The following ARHGAP15 variants were observed in gnomAD, a reference collection of about 807,000 sequenced individuals.
ARHGAP15 encodes Rho GTPase activating protein 15.
ARHGAP15 carries 51 observed loss-of-function variants against 63.7 expected under a neutral mutation model. That is an observed-to-expected ratio of 0.80 (90% CI 0.64 to 1.01). ARHGAP15 has a LOEUF of 1.01. Among genes scored for constraint, ARHGAP15 ranks in the 50% least tolerant of loss-of-function variants. ARHGAP15 has a pLI of 0.00. For synonymous variants in ARHGAP15, 191 were observed against 193.8 expected (o/e 0.99, Z 0.12); for missense variants, 560 against 564.6 (o/e 0.99, Z 0.08).
chr2:143,292,314 C>A (rs1682440897), intron 6 of ARHGAP15, among the ~76,000 whole-genome samples: 1 of 152,000 alleles, frequency 6.6e-6, no homozygotes, highest in African/African-American at 2.4e-5. Flanking sequence ...TAATTATTTA[C>A]AAATGTATTT....
At chr2:143,543,116 C>G (rs1695176923) in intron 10 of ARHGAP15, among the ~76,000 whole-genome samples, 1 of 151,768 alleles carries the variant, frequency 6.6e-6, no homozygotes, top group African/African-American at 2.4e-5. Context: ...TGAGGAATCT[C>G]TATATTTTTT....
intron 10 of ARHGAP15, among the ~76,000 whole-genome samples, chr2:143,540,577 G>T (rs1694999948): frequency 1.3e-5 from 2 of 152,246 alleles, no homozygotes; most frequent in South Asian, 4.1e-4. Context: ...GCCTGGTGGT[G>T]ACAAAATCTC....
intron 6 of ARHGAP15, among the ~76,000 whole-genome samples, chr2:143,291,385 T>C (rs887954167): frequency 6.6e-6 from 1 of 151,804 alleles, no homozygotes; most frequent in Non-Finnish European, 1.5e-5. Flanking sequence ...ACACAGTTTC[T>C]CTCCCTCCCT....
At chr2:143,235,936 G>T in intron 5 of ARHGAP15, 1 of 1,544,680 alleles carries the variant, frequency 6.5e-7, no homozygotes, top group Non-Finnish European at 8.7e-7. Flanking sequence ...GCTGTACTTT[G>T]TGATTTTAGA....
At chr2:143,715,791 T>G (rs1002584200) in intron 13 of ARHGAP15, among the ~76,000 whole-genome samples, 2 of 152,246 alleles carry the variant, frequency 1.3e-5, no homozygotes, top group African/African-American at 4.8e-5. Context: ...CATGAAATCT[T>G]TACCCGTGCC....
chr2:143,346,184 A>T (rs1231372434), intron 6 of ARHGAP15, among the ~76,000 whole-genome samples: 6 of 145,894 alleles, frequency 4.1e-5, no homozygotes, highest in East Asian at 2.0e-4. Context: ...TCTCTCTCTC[A>T]CACACACACT....
At chr2:143,580,168 G>A (rs948760882) in intron 11 of ARHGAP15, among the ~76,000 whole-genome samples, 1 of 151,640 alleles carries the variant, frequency 6.6e-6, no homozygotes, top group African/African-American at 2.4e-5. Context: ...TTATGTAATG[G>A]TGACTTAATT....
chr2:143,594,695 T>C (rs1697445130), intron 11 of ARHGAP15, among the ~76,000 whole-genome samples: 1 of 152,174 alleles, frequency 6.6e-6, no homozygotes, highest in Admixed American at 6.6e-5. Flanking sequence ...TCAAAGACCA[T>C]GTCACAGCAG....
chr2:143,209,889 A>G (rs1692500736), intron 3 of ARHGAP15, among the ~76,000 whole-genome samples: 1 of 152,186 alleles, frequency 6.6e-6, no homozygotes, highest in Non-Finnish European at 1.5e-5. Context: ...ATTGAAACAC[A>G]GAAACAAATG....
chr2:143,578,107 G>A (rs963973554), intron 11 of ARHGAP15, among the ~76,000 whole-genome samples: 1 of 152,140 alleles, frequency 6.6e-6, no homozygotes, highest in African/African-American at 2.4e-5. Flanking sequence ...AAACCTCACA[G>A]CAATTGATTG....
chr2:143,712,304 T>C (rs1684616198), intron 13 of ARHGAP15, among the ~76,000 whole-genome samples: 1 of 152,196 alleles, frequency 6.6e-6, no homozygotes, highest in African/African-American at 2.4e-5. Flanking sequence ...ACATTTCACA[T>C]AGGAAAAGGA....
At chr2:143,725,040 C>T (rs1002892461) in intron 13 of ARHGAP15, among the ~76,000 whole-genome samples, 5 of 152,150 alleles carry the variant, frequency 3.3e-5, no homozygotes, top group African/African-American at 1.2e-4. Context: ...TTCTGAATTA[C>T]CAAAGGATAA....
intron 13 of ARHGAP15, among the ~76,000 whole-genome samples, chr2:143,728,406 G>T (rs1021165506): frequency 6.6e-6 from 1 of 152,212 alleles, no homozygotes; most frequent in South Asian, 2.1e-4. Context: ...GGTAGCTGGT[G>T]CCTTATCATA....
At chr2:143,556,293 A>G in intron 10 of ARHGAP15, 115 bp from the exon 11 acceptor site, 2 of 720,558 alleles carry the variant, frequency 2.8e-6, no homozygotes, top group Non-Finnish European at 4.5e-6. Flanking sequence ...GAACACACAA[A>G]TTGGTTTTAT....
intron 1 of ARHGAP15, among the ~76,000 whole-genome samples, chr2:143,150,968 T>C (rs1689789942): frequency 6.6e-6 from 1 of 152,012 alleles, no homozygotes. Context: ...GATTTTACAA[T>C]CTACCAAATC....
At chr2:143,272,895 T>C (rs1380393282) in intron 6 of ARHGAP15, among the ~76,000 whole-genome samples, 1 of 152,210 alleles carries the variant, frequency 6.6e-6, no homozygotes, top group Non-Finnish European at 1.5e-5. Context: ...GGATGTGTTT[T>C]AAATTTAAAT....
chr2:143,503,040 A>C (rs1401753927), intron 9 of ARHGAP15, among the ~76,000 whole-genome samples: 1 of 152,224 alleles, frequency 6.6e-6, no homozygotes, highest in African/African-American at 2.4e-5. Flanking sequence ...TACCATCTGC[A>C]TGCTAGTAGT....
intron 8 of ARHGAP15, among the ~76,000 whole-genome samples, chr2:143,456,318 A>G (rs1055090047): frequency 6.6e-6 from 1 of 152,136 alleles, no homozygotes; most frequent in African/African-American, 2.4e-5. Context: ...GTAAACATAT[A>G]AATGACAGAG....
chr2:143,284,824 A>G (rs1184268997), intron 6 of ARHGAP15, among the ~76,000 whole-genome samples: 1 of 152,202 alleles, frequency 6.6e-6, no homozygotes, highest in Non-Finnish European at 1.5e-5. Context: ...TTCTTTCCTT[A>G]AAGGTGCTCT....
Sources: allele counts gnomAD v4.1 joint callset (sites outside exome capture counted in the v4.1 genomes callset), GRCh38; gene constraint gnomAD v4.1.1; transcripts MANE v1.5; gene names NCBI Gene and HGNC (gene_info 2026-07-23, HGNC 2026-07-21).